Variants in BABAM2 observed in about 807,000 individuals in gnomAD.
The protein encoded by BABAM2 is BRISC and BRCA1 A complex member 2, also known as BRISC and BRCA1-A complex member 2.
A neutral mutation model predicts 54.7 loss-of-function variants in BABAM2; 31 were observed. The observed-to-expected ratio is 0.57, with a 90% CI of 0.43 to 0.77. BABAM2 has a LOEUF of 0.77. Among genes scored for constraint, BABAM2 ranks in the 30% least tolerant of loss-of-function variants. The pLI is 0.00. For missense variants in BABAM2, 364 were observed against 455.8 expected (o/e 0.80, Z 1.83); for synonymous variants, 167 against 162.9 (o/e 1.03, Z -0.19).
intron 3 of BABAM2, among the ~76,000 whole-genome samples, chr2:27,978,666 G>A (rs1006806513): frequency 2.0e-5 from 3 of 151,990 alleles, no homozygotes; most frequent in Non-Finnish European, 2.9e-5. Flanking sequence ...AGGTTCTGGG[G>A]TTACATGTGC....
intron 2 of BABAM2, among the ~76,000 whole-genome samples, chr2:27,921,588 A>T (rs890454252): frequency 6.6e-6 from 1 of 152,196 alleles, no homozygotes; most frequent in African/African-American, 2.4e-5. Context: ...AGCAAGTTAC[A>T]TAAGCATCTA....
At chr2:28,328,562 A>G (rs149877541) in intron 11 of BABAM2, among the ~76,000 whole-genome samples, 317 of 152,266 alleles carry the variant, frequency 2.1e-3, no homozygotes, top group African/African-American at 7.4e-3. Context: ...CCCAAAGAAA[A>G]GCATGTTTGA....
chr2:28,327,502 C>T (rs1690576890), intron 11 of BABAM2: 2 of 1,484,766 alleles, frequency 1.3e-6, no homozygotes, highest in Non-Finnish European at 1.8e-6. Context: ...CATCCCAATA[C>T]TTTGATGTCT....
intron 7 of BABAM2, among the ~76,000 whole-genome samples, chr2:28,201,530 C>T (rs974692641): frequency 6.6e-6 from 1 of 152,068 alleles, no homozygotes; most frequent in African/African-American, 2.4e-5. Flanking sequence ...CCTAATATTC[C>T]GCTTGCATAA....
At chr2:28,072,324 C>T (rs964209582) in intron 6 of BABAM2, among the ~76,000 whole-genome samples, 1 of 152,010 alleles carries the variant, frequency 6.6e-6, no homozygotes, top group Non-Finnish European at 1.5e-5. Flanking sequence ...AGGCACACAC[C>T]ACCACGCCCA....
At chr2:27,965,786 A>C (rs1385754485) in intron 3 of BABAM2, among the ~76,000 whole-genome samples, 3 of 151,914 alleles carry the variant, frequency 2.0e-5, no homozygotes, top group East Asian at 3.9e-4. Flanking sequence ...TAGCTCTCTT[A>C]TTTGCAGTTA....
chr2:27,946,951 C>T (rs1019362688), intron 3 of BABAM2, among the ~76,000 whole-genome samples: 1 of 152,086 alleles, frequency 6.6e-6, no homozygotes, highest in Admixed American at 6.6e-5. Context: ...CCTTTCATTT[C>T]TGACATTGGT....
At position 28,127,288 on chromosome 2, in the gene BABAM2, C is replaced by T. The variant is rs369338817; in HGVS notation, c.571-1983C>T. On this transcript the variant is annotated intron_variant, in intron 6 of 11. Transcript: ENST00000379624. ...AAAGACCATCAAGAAAAGAGAGTTT[C>T]GAGAGGCAAGTGGTCACCCATGTCA... Among the ~76,000 whole-genome samples the T allele has an allele frequency of 3.9e-5, 6 of 152,234 alleles. No homozygotes were observed. The East Asian group carries it at 7.7e-4, about 20-fold the overall frequency.
chr2:28,113,359 G>A (rs1668311271), intron 6 of BABAM2, among the ~76,000 whole-genome samples: 1 of 152,110 alleles, frequency 6.6e-6, no homozygotes, highest in African/African-American at 2.4e-5. Flanking sequence ...TTCAATTTCA[G>A]TTTTCTGCAT....
At chr2:28,294,334 C>T (rs577792409) in intron 10 of BABAM2, among the ~76,000 whole-genome samples, 6 of 150,896 alleles carry the variant, frequency 4.0e-5, no homozygotes, top group Non-Finnish European at 7.4e-5. Flanking sequence ...GAGCCGAGAT[C>T]GCACCACTGC....
intron 3 of BABAM2, among the ~76,000 whole-genome samples, chr2:27,958,444 C>T (rs1016066378): frequency 1.3e-5 from 2 of 149,458 alleles, no homozygotes; most frequent in African/African-American, 2.5e-5. Context: ...TTCAAGAATT[C>T]CACTGGCTGC....
At chr2:28,166,736 G>T (rs1232761573) in intron 7 of BABAM2, among the ~76,000 whole-genome samples, 1 of 152,164 alleles carries the variant, frequency 6.6e-6, no homozygotes, top group East Asian at 1.9e-4. Context: ...TGATCCCAGT[G>T]ATAAGTAATG....
chr2:28,089,185 A>G (rs1665943004), intron 6 of BABAM2, among the ~76,000 whole-genome samples: 1 of 152,154 alleles, frequency 6.6e-6, no homozygotes, highest in Non-Finnish European at 1.5e-5. Flanking sequence ...TGACATGAAT[A>G]TATTGACTAC....
intron 2 of BABAM2, among the ~76,000 whole-genome samples, chr2:27,923,344 A>T (rs1183580046): frequency 1.3e-5 from 2 of 152,172 alleles, no homozygotes; most frequent in Non-Finnish European, 2.9e-5. Flanking sequence ...TAATTGTGTA[A>T]AACCGTGGCT....
intron 3 of BABAM2, among the ~76,000 whole-genome samples, chr2:27,941,322 T>C (rs1573221338): frequency 6.6e-6 from 1 of 152,072 alleles, no homozygotes; most frequent in Non-Finnish European, 1.5e-5. Context: ...CCCAGAACTT[T>C]GGGAGGTCGA....
chr2:28,289,064 G>A (rs890449270), intron 10 of BABAM2, among the ~76,000 whole-genome samples: 4 of 149,390 alleles, frequency 2.7e-5, no homozygotes, highest in South Asian at 2.1e-4. Flanking sequence ...TTATACACAC[G>A]CGCACACACA....
intron 7 of BABAM2, among the ~76,000 whole-genome samples, chr2:28,228,715 T>G (rs1488636461): frequency 2.0e-5 from 3 of 152,184 alleles, no homozygotes; most frequent in Non-Finnish European, 2.9e-5. Context: ...CTGGGCATCA[T>G]TACAAGTAGT....
chr2:28,220,618 C>CAA (rs60569384), intron 7 of BABAM2, among the ~76,000 whole-genome samples: 15 of 151,256 alleles, frequency 9.9e-5, no homozygotes, highest in Non-Finnish European at 1.8e-4. Context: ...CAATACCAAC[C>CAA]AAAAAAAAAA....
intron 6 of BABAM2, among the ~76,000 whole-genome samples, chr2:28,051,653 G>A (rs1007382392): frequency 4.8e-5 from 7 of 144,814 alleles, no homozygotes; most frequent in African/African-American, 1.5e-4. Context: ...GTCAAGGTGT[G>A]TTTTTTTTTT....
Sources: gnomAD v4.1 joint callset for allele counts (sites outside exome capture counted in the v4.1 genomes callset) on GRCh38, gnomAD v4.1.1 for gene constraint, MANE v1.5 for transcripts, NCBI Gene and HGNC (gene_info 2026-07-23, HGNC 2026-07-21) for gene names.